BLTP1: variants seen among roughly 807,000 people sequenced by gnomAD.
The protein encoded by BLTP1 is bridge-like lipid transfer protein family member 1, also known as fragile site-associated protein.
the BLTP1 span, chr4:122,246,908 T>A: frequency 6.6e-7 from 1 of 1,515,170 alleles, no homozygotes; most frequent in Non-Finnish European, 8.8e-7. Context: ...TCTAAGAATG[T>A]AATGTTAAAA....
the BLTP1 span, chr4:122,305,148 T>C: frequency 1.0e-6 from 1 of 968,852 alleles, no homozygotes; most frequent in Non-Finnish European, 1.2e-6. Flanking sequence ...TGGCATTTCA[T>C]TGAAAATTGT....
the BLTP1 span, among the ~76,000 whole-genome samples, chr4:122,312,420 T>TC: frequency 6.6e-6 from 1 of 152,322 alleles, no homozygotes; most frequent in East Asian, 1.9e-4. Context: ...ATTTACTAAT[T>TC]CTTCCTTTCA....
chr4:122,195,237 T>C, the BLTP1 span, among the ~76,000 whole-genome samples: 4 of 152,234 alleles, frequency 2.6e-5, no homozygotes, highest in Non-Finnish European at 4.4e-5. Context: ...AACATGATTT[T>C]AGTTTCTAGA....
At chr4:122,207,536 TGTAGTG>T in the BLTP1 span, 5 of 1,579,174 alleles carry the variant, frequency 3.2e-6, no homozygotes, top group South Asian at 2.4e-5. Flanking sequence ...TTTTTTCTTT[TGTAGTG>T]TATCTGGCAG....
At chr4:122,283,257 A>T in the BLTP1 span, among the ~76,000 whole-genome samples, 1 of 141,904 alleles carries the variant, frequency 7.0e-6, no homozygotes, top group Admixed American at 6.7e-5. Context: ...ATAACCAGTG[A>T]TCATTGTATA....
At chr4:122,212,984 G>A in the BLTP1 span, among the ~76,000 whole-genome samples, 2 of 152,134 alleles carry the variant, frequency 1.3e-5, no homozygotes, top group South Asian at 2.1e-4. Context: ...CCCAATGAAC[G>A]CTATGCTTCC....
At chr4:122,318,682 C>T in the BLTP1 span, among the ~76,000 whole-genome samples, 1 of 152,196 alleles carries the variant, frequency 6.6e-6, no homozygotes, top group African/African-American at 2.4e-5. Context: ...ATTTACCTGT[C>T]AGCTACTGTG....
the BLTP1 span, chr4:122,266,812 A>G: frequency 6.2e-7 from 1 of 1,608,442 alleles, no homozygotes; most frequent in Non-Finnish European, 8.5e-7. Context: ...TGAGTCATAC[A>G]GGGATCCAGT....
At chr4:122,155,323 GAT>G in the BLTP1 span, among the ~76,000 whole-genome samples, 3 of 149,566 alleles carry the variant, frequency 2.0e-5, no homozygotes, top group East Asian at 1.9e-4. Flanking sequence ...GGGAAGCTAG[GAT>G]TTTTTTTTTT....
the BLTP1 span, chr4:122,356,118 A>G: frequency 1.4e-6 from 1 of 691,146 alleles, no homozygotes; most frequent in African/African-American, 1.8e-5. Flanking sequence ...AAATTGATTT[A>G]TTTTCTTATC....
At chr4:122,228,065 C>G in the BLTP1 span, among the ~76,000 whole-genome samples, 1 of 151,892 alleles carries the variant, frequency 6.6e-6, no homozygotes, top group African/African-American at 2.4e-5. Flanking sequence ...AGGCGCCCAC[C>G]ACCACGCCCG....
At chr4:122,346,048 A>T in the BLTP1 span, 10 of 983,016 alleles carry the variant, frequency 1.0e-5, no homozygotes, top group Non-Finnish European at 1.2e-5. Flanking sequence ...CTATGTAGGT[A>T]TGGGCTCAGA....
the BLTP1 span, chr4:122,209,632 C>G: frequency 2.3e-6 from 1 of 431,200 alleles, no homozygotes; most frequent in Middle Eastern, 1.1e-3. Flanking sequence ...GCAACAGAGA[C>G]CCCATCTCAA....
chr4:122,276,992 G>T, the BLTP1 span: 2 of 981,796 alleles, frequency 2.0e-6, no homozygotes, highest in African/African-American at 3.5e-5. Flanking sequence ...ATGTAAACTG[G>T]CCTGTAATTA....
chr4:122,238,268 G>C, the BLTP1 span: 1 of 1,614,112 alleles, frequency 6.2e-7, no homozygotes, highest in Non-Finnish European at 8.5e-7. Context: ...TGGTGAAAAG[G>C]AAAGTCCTTC....
chr4:122,201,792 A>G, the BLTP1 span: 2 of 859,466 alleles, frequency 2.3e-6, no homozygotes, highest in Non-Finnish European at 1.4e-6. Flanking sequence ...TTCCACAGAA[A>G]CCTAATCTTT....
At chr4:122,313,548 G>T in the BLTP1 span, 2 of 1,007,718 alleles carry the variant, frequency 2.0e-6, no homozygotes, top group South Asian at 4.5e-5. Flanking sequence ...CAATAATCTT[G>T]TGTGAAAAAT....
At chr4:122,266,791 C>G in the BLTP1 span, 2 of 1,595,430 alleles carry the variant, frequency 1.3e-6, no homozygotes, top group South Asian at 1.1e-5. Context: ...AGGTTGTTTT[C>G]AAGCCTCTTC....
chr4:122,211,079 C>T, the BLTP1 span: 1 of 1,611,328 alleles, frequency 6.2e-7, no homozygotes, highest in Non-Finnish European at 8.5e-7. Flanking sequence ...CTACTAAATG[C>T]CTTTTTGTGT....
Sources: allele counts gnomAD v4.1 joint callset (sites outside exome capture counted in the v4.1 genomes callset), GRCh38; gene constraint gnomAD v4.1.1; transcripts MANE v1.5; gene names NCBI Gene and HGNC (gene_info 2026-07-23, HGNC 2026-07-21).